Variants in TFDP2 observed in about 807,000 individuals in gnomAD.
TFDP2 encodes transcription factor Dp-2 (E2F dimerization partner 2).
In TFDP2, 17 loss-of-function variants were observed where a neutral mutation model predicts 59.3. The ratio of observed to expected loss-of-function variants is 0.29; its 90% CI spans 0.20 to 0.43. The LOEUF is 0.43. Among genes scored for constraint, TFDP2 ranks in the 20% least tolerant of loss-of-function variants. The probability of loss-of-function intolerance (pLI) is 1.00; values close to 1 mark genes in which losing one functional copy is unlikely to be tolerated. For synonymous variants in TFDP2, 180 were observed against 194.7 expected, an observed-to-expected ratio of 0.92 and a Z score of 0.63; for missense variants, 391 against 528.8, an observed-to-expected ratio of 0.74 and a Z score of 2.56.
At chr3:142,010,362 G>C (rs1394989283) in intron 3 of TFDP2, among the ~76,000 whole-genome samples, 2 of 152,166 alleles carry the variant, frequency 1.3e-5, no homozygotes, top group African/African-American at 4.8e-5. Context: ...TGTAATCCCA[G>C]CACTTTGGGA....
At position 141,951,452 on chromosome 3, in the gene TFDP2, G is replaced by A. The variant is rs557012488; in HGVS notation, c.*1061C>T. On this transcript the variant is annotated 3_prime_UTR_variant, in exon 13 of 13. Coordinates refer to ENST00000489671, the MANE Select transcript of TFDP2 (RefSeq NM_001178139.2). ...TTGACCCCAGGAGTAGGCTCAATAA[G>A]GTCATTCTGATTAATGAAAATGTGA... 1 of 152,540 alleles carries A rather than the reference G, an allele frequency of 6.6e-6. No homozygotes were observed. Among genetic ancestry groups the A allele is most frequent in the Non-Finnish European group, 1.5e-5 (1 of 68,040 alleles). The allele number at this position is 152,540 out of a possible 1,614,324, so 9.4% of individuals were successfully genotyped here.
intron 1 of TFDP2, among the ~76,000 whole-genome samples, chr3:142,130,877 C>A (rs1257642496): frequency 6.6e-6 from 1 of 151,690 alleles, no homozygotes; most frequent in Non-Finnish European, 1.5e-5. Flanking sequence ...CATGGTGAAA[C>A]CTCATCTCTA....
intron 3 of TFDP2, among the ~76,000 whole-genome samples, chr3:142,011,333 C>T (rs1291329729): frequency 1.8e-4 from 24 of 130,106 alleles, no homozygotes; most frequent in East Asian, 1.8e-3. Context: ...AGTAAACTAT[C>T]GCAAGAACAA....
intron 3 of TFDP2, among the ~76,000 whole-genome samples, chr3:142,077,724 C>G (rs934817253): frequency 6.6e-6 from 1 of 152,110 alleles, no homozygotes; most frequent in African/African-American, 2.4e-5. Context: ...CTGAGACATG[C>G]TGGCTTCACG....
intron 1 of TFDP2, among the ~76,000 whole-genome samples, chr3:142,140,859 C>G (rs2062927074): frequency 6.6e-6 from 1 of 152,180 alleles, no homozygotes; most frequent in South Asian, 2.1e-4. Flanking sequence ...CTTGAGGAGG[C>G]TGACTGTCCA....
At chr3:142,032,779 A>G (rs1222279429) in intron 3 of TFDP2, among the ~76,000 whole-genome samples, 3 of 152,214 alleles carry the variant, frequency 2.0e-5, no homozygotes, top group African/African-American at 4.8e-5. Context: ...TTTCTAACAT[A>G]TATCATTCTC....
intron 3 of TFDP2, among the ~76,000 whole-genome samples, chr3:142,007,526 G>C (rs1944314297): frequency 1.3e-5 from 2 of 152,194 alleles, no homozygotes. Context: ...TCCACAGACA[G>C]GGGTGAAGGG....
At chr3:142,025,689 T>C (rs1946022729) in intron 3 of TFDP2, among the ~76,000 whole-genome samples, 2 of 152,208 alleles carry the variant, frequency 1.3e-5, no homozygotes, top group Non-Finnish European at 2.9e-5. Context: ...ATGTAAATTG[T>C]TTTACTTATT....
intron 1 of TFDP2, among the ~76,000 whole-genome samples, chr3:142,104,638 G>C (rs1021206808): frequency 6.6e-6 from 1 of 151,912 alleles, no homozygotes; most frequent in East Asian, 1.9e-4. Flanking sequence ...GAAATATTTA[G>C]AACTAGAATA....
intron 3 of TFDP2, among the ~76,000 whole-genome samples, chr3:142,061,889 TACACACACACAC>T (rs71153939): frequency 1.6e-4 from 13 of 79,952 alleles, no homozygotes; most frequent in African/African-American, 3.3e-4. Flanking sequence ...TCTCTCTCTC[TACACACACACAC>T]ACACACACAC....
chr3:142,075,714 G>A (rs2060421352), intron 3 of TFDP2, among the ~76,000 whole-genome samples: 1 of 145,218 alleles, frequency 6.9e-6, no homozygotes, highest in Non-Finnish European at 1.5e-5. Flanking sequence ...TGGGCAATGT[G>A]GCAAAGCCCT....
intron 3 of TFDP2, among the ~76,000 whole-genome samples, chr3:142,052,046 A>G (rs931770335): frequency 6.6e-6 from 1 of 152,068 alleles, no homozygotes; most frequent in Non-Finnish European, 1.5e-5. Context: ...GGATAGCTTG[A>G]GCCCAGGAGG....
chr3:142,004,276 T>C (rs1271015043), intron 4 of TFDP2, among the ~76,000 whole-genome samples: 3 of 152,216 alleles, frequency 2.0e-5, no homozygotes, highest in African/African-American at 7.2e-5. Flanking sequence ...GAAAATATCA[T>C]GTCTAGAATG....
chr3:142,103,896 T>C (rs537788594), intron 1 of TFDP2, among the ~76,000 whole-genome samples: 1 of 149,852 alleles, frequency 6.7e-6, no homozygotes, highest in African/African-American at 2.4e-5. Context: ...GTTTTTTTTT[T>C]CTGTTTTTTT....
intron 3 of TFDP2, 168 bp downstream of exon 3, chr3:142,092,893 T>C: frequency 2.2e-6 from 1 of 454,690 alleles, no homozygotes; most frequent in Non-Finnish European, 3.8e-6. Flanking sequence ...AAATCCTCCG[T>C]CTGTCAGAGG....
chr3:141,968,243 TTTATATA>T (rs1175670023), intron 9 of TFDP2, among the ~76,000 whole-genome samples: 4 of 139,860 alleles, frequency 2.9e-5, no homozygotes, highest in Admixed American at 7.8e-5. Flanking sequence ...AACATTATTA[TTTATATA>T]TTATATATTA....
chr3:141,975,619 G>A (rs1940518403), intron 7 of TFDP2, among the ~76,000 whole-genome samples: 2 of 151,578 alleles, frequency 1.3e-5, no homozygotes, highest in South Asian at 2.1e-4. Context: ...GCTTGAATCC[G>A]GGAGATGGAG....
rs535179483 is a variant in TFDP2 at position 141,999,183 on chromosome 3, C to T, written c.187-4042G>A. Among the ~76,000 whole-genome samples the T allele has an allele frequency of 2.7e-3, 411 of 152,196 alleles. 2 individuals are homozygous for T. The highest frequency in any genetic ancestry group is 4.9e-3 in the Non-Finnish European group (331 of 68,026). Reference sequence around the variant, plus strand: ...CGCAGCCTGCTCAACGTGAAGACGTCGAGGATGAAGACTTTTATGATAATC... The same window carrying T: ...CGCAGCCTGCTCAACGTGAAGACGTTGAGGATGAAGACTTTTATGATAATC... On this transcript the variant is annotated intron_variant, in intron 4 of 12. Transcript: ENST00000489671.
At chr3:141,958,695 A>G (rs1028758154) in intron 11 of TFDP2, among the ~76,000 whole-genome samples, 2 of 152,138 alleles carry the variant, frequency 1.3e-5, no homozygotes, top group African/African-American at 4.8e-5. Context: ...TCAGTATTTA[A>G]TAAGAACAAT....
Sources: allele counts gnomAD v4.1 joint callset (sites outside exome capture counted in the v4.1 genomes callset), GRCh38; gene constraint gnomAD v4.1.1; transcripts MANE v1.5; gene names NCBI Gene and HGNC (gene_info 2026-07-23, HGNC 2026-07-21).